Variants in COL12A1 observed in about 807,000 individuals in gnomAD.
The protein encoded by COL12A1 is collagen type XII alpha 1 chain.
Under a neutral mutation model 349.7 loss-of-function variants are expected in COL12A1, and 114 were observed. That is an observed-to-expected ratio of 0.33 (90% CI 0.28 to 0.38). The LOEUF is 0.38. Ranked by LOEUF, COL12A1 falls within the 10% of genes least tolerant of loss-of-function variation. COL12A1 has a pLI of 1.00. For missense variants in COL12A1, 3,284 were observed against 3,756.9 expected, an observed-to-expected ratio of 0.87 and a Z score of 3.29; for synonymous variants, 1,369 against 1,329.0, an observed-to-expected ratio of 1.03 and a Z score of -0.66.
At chr6:75,168,101 GA>G in intron 13 of COL12A1, among the ~76,000 whole-genome samples, 1 of 152,142 alleles carries the variant, frequency 6.6e-6, no homozygotes, top group East Asian at 1.9e-4. Context: ...AAAGAAAGGA[GA>G]AAGATAGTTC....
At position 75,090,214 on chromosome 6, in the gene COL12A1, G is replaced by A. The variant is rs753169250; in HGVS notation, c.8837C>T (p.Pro2946Leu). The A allele has an allele frequency of 5.0e-6, 8 of 1,613,976 alleles. No individual in the cohort carries two copies. Among genetic ancestry groups the A allele is most frequent in the Non-Finnish European group, 4.2e-6 (5 of 1,180,010 alleles). The change falls in exon 63 of 66, where the codon CCA (proline) becomes CTA (leucine). Residue 2946 changes from proline to leucine, a missense_variant. This residue lies in a region of COL12A1 where 683 missense variants were observed against 932.1 expected (regional missense o/e 0.73). Transcript: ENST00000322507. This position sits in a 1 kb window ranked among gnomAD's most constrained non-coding sequence, Gnocchi z 4.1. ...SSRNQPGPPG[P>L]PGPPGSAGAR... ...TCCTGCGCTACCAGGAGGTCCCGGT[G>A]GACCCGGCGGGCCTGGCTGGTTGCG...
At chr6:75,153,381 ATAAG>A (rs1182854196) in intron 17 of COL12A1, among the ~76,000 whole-genome samples, 1 of 152,176 alleles carries the variant, frequency 6.6e-6, no homozygotes, top group Non-Finnish European at 1.5e-5. Flanking sequence ...TAATATCATC[ATAAG>A]AGAAACAATA....
chr6:75,191,729 C>T lies in COL12A1; in HGVS notation c.366G>A (p.Glu122=). The change falls in exon 5 of 66, where the codon GAG becomes GAA. Residue 122 remains glutamate, a synonymous_variant. Coordinates refer to ENST00000322507, the MANE Select transcript of COL12A1 (RefSeq NM_004370.6). Reference sequence around the variant, plus strand: ...GTATCTCGGTTTTTCCAGGTTTCTTCTCCACTGGCTTTGTCGAACTACCTG... The same window carrying T: ...GTATCTCGGTTTTTCCAGGTTTCTTTTCCACTGGCTTTGTCGAACTACCTG... ...IQTGSSTKPV[E]KKPGKTEIQK... The T allele has an allele frequency of 1.9e-6, 3 of 1,595,872 alleles. No individual in the cohort carries two copies. Among genetic ancestry groups the T allele is most frequent in the Non-Finnish European group, 2.6e-6 (3 of 1,171,182 alleles).
At chr6:75,169,776 C>T (rs1316071276) in intron 13 of COL12A1, among the ~76,000 whole-genome samples, 3 of 152,144 alleles carry the variant, frequency 2.0e-5, no homozygotes, top group Non-Finnish European at 2.9e-5. Flanking sequence ...TTGATTCTAT[C>T]TTGACAATTT....
Position 75,134,848 on chromosome 6 carries a change from A to C in COL12A1, c.5402T>G (p.Ile1801Arg), listed in dbSNP as rs200317239. ...TGEGNEQTTT[I>R]GGRQNSVVLQ... ...GACCACACTGTTCTGCCGTCCTCCT[A>C]TTGTGGTCTTGAGTAAAAAGGGTCT... Residue 1801 changes from isoleucine (I) to arginine (R), a missense_variant, in exon 32 of 66, where the codon ATA (isoleucine) becomes AGA (arginine). This residue lies in a region of COL12A1 where 2,601 missense variants were observed against 2,824.8 expected (regional missense o/e 0.92). Coordinates refer to ENST00000322507, the MANE Select transcript of COL12A1 (RefSeq NM_004370.6). The C allele has an allele frequency of 1.2e-6, 2 of 1,609,882 alleles. No individual in the cohort carries two copies. Among genetic ancestry groups the C allele is most frequent in the Non-Finnish European group, 8.5e-7 (1 of 1,177,242 alleles).
chr6:75,196,915 T>C (rs1158443995), intron 2 of COL12A1, among the ~76,000 whole-genome samples: 1 of 152,176 alleles, frequency 6.6e-6, no homozygotes, highest in Non-Finnish European at 1.5e-5. Context: ...CCAGATAAAC[T>C]GAAAAATTGA....
chr6:75,152,209 A>G lies in COL12A1; in HGVS notation c.3757T>C (p.Leu1253=), dbSNP rs74681269. The part of the protein sequence containing the change: ...YSGDPRTEWQ[L]NAHRDKKSLL... The stretch of plus-strand genomic sequence containing the variant: ...CTCTTCTTGTCTCTGTGTGCATTTA[A>G]CTGCCACTCTGTTCTGGGATCCCCA... Residue 1253 remains leucine, a synonymous_variant, in exon 19 of 66, where the codon TTA becomes CTA. Transcript: ENST00000322507. 1 of 1,613,716 alleles carries G rather than the reference A, an allele frequency of 6.2e-7. No individual in the cohort carries two copies. Among genetic ancestry groups the G allele is most frequent in the East Asian group, 2.2e-5 (1 of 44,852 alleles).
At chr6:75,178,903 C>A (rs1769119082) in intron 11 of COL12A1, among the ~76,000 whole-genome samples, 1 of 152,146 alleles carries the variant, frequency 6.6e-6, no homozygotes, top group South Asian at 2.1e-4. Context: ...CCAACTTACA[C>A]CCATGATTCA....
At chr6:75,139,570 G>A (rs953793919) in intron 27 of COL12A1, among the ~76,000 whole-genome samples, 1 of 152,166 alleles carries the variant, frequency 6.6e-6, no homozygotes, top group Non-Finnish European at 1.5e-5. Flanking sequence ...AACACTAAAA[G>A]TATTGCACTC....
In COL12A1 at chr6:75,143,407, T is replaced by C. The variant is rs1227019522; in HGVS notation, c.4691-19A>G. On this transcript the variant is annotated intron_variant, in intron 25 of 65. Coordinates refer to ENST00000322507, the MANE Select transcript of COL12A1 (RefSeq NM_004370.6). ...AAAGGCACTAGAGAAGCACGAGATA[T>C]TAAATCCAGATGTGCTTCTCAACCA... 2 of 1,610,774 alleles carry C rather than the reference T, an allele frequency of 1.2e-6. No individual in the cohort carries two copies. The highest frequency in any genetic ancestry group is 2.2e-5 in the South Asian group (2 of 90,096).
intron 11 of COL12A1, among the ~76,000 whole-genome samples, chr6:75,180,707 TTC>T: frequency 6.6e-6 from 1 of 152,204 alleles, no homozygotes; most frequent in Non-Finnish European, 1.5e-5. Context: ...TTATCAACAG[TTC>T]TCTAGGTCTC....
chr6:75,156,550 G>C, intron 14 of COL12A1, 27 bp from the exon 15 acceptor site: 1 of 1,602,666 alleles, frequency 6.2e-7, no homozygotes, highest in Non-Finnish European at 8.5e-7. Flanking sequence ...AGATTAAACT[G>C]TATACCATGT....
In COL12A1 at chr6:75,086,414, C is replaced by G. The variant is rs552614800; in HGVS notation, c.*133G>C. 1 of 655,812 alleles carries G rather than the reference C, an allele frequency of 1.5e-6. No individual in the cohort carries two copies. 40.6% of individuals were successfully genotyped at this position (655,812 alleles called of 1,614,324 possible). On this transcript the variant is annotated 3_prime_UTR_variant, in exon 66 of 66. Coordinates refer to ENST00000322507, the MANE Select transcript of COL12A1 (RefSeq NM_004370.6). ...TCCACCCTCCTTTGTGATGTCGACC[C>G]GGTTCGTTAACCATTATCTGTGGTG...
rs183898615 is a variant in COL12A1 at position 75,117,463 on chromosome 6, C to T, written c.7438G>A (p.Val2480Met). The change falls in exon 47 of 66, where the codon GTG becomes ATG. Residue 2480 changes from valine (V) to methionine (M), a missense_variant. Val to Met is a conservative substitution (Grantham distance 21). Around this residue, in one of 2 missense-constraint regions of COL12A1, gnomAD observed 683 missense variants for 932.1 expected, o/e 0.73. Transcript: ENST00000322507. ...GATTCAAAGTCGTCCACAATGAACACGTGCCGTTCACTTGGTTTGCTGGCA... is the reference window on the plus strand; with the variant it reads ...GATTCAAAGTCGTCCACAATGAACATGTGCCGTTCACTTGGTTTGCTGGCA... Reference protein sequence around the residue: ...NIASKPSERHVFIVDDFESFE... With the variant: ...NIASKPSERHMFIVDDFESFE... The T allele has an allele frequency of 4.5e-5, 73 of 1,613,742 alleles. No individual in the cohort carries two copies. The highest frequency in any genetic ancestry group is 1.6e-4 in the East Asian group (7 of 44,872).
In COL12A1 at chr6:75,192,305, AT is replaced by A; in HGVS notation, c.240del (p.Leu80PhefsTer13). Reference sequence around the variant, plus strand: ...TCTGTTTCAGGTACAAGTTCTGACAATAAAGTTTCAGTGGTACTAGCTGAAA... The same window carrying A: ...TCTGTTTCAGGTACAAGTTCTGACAAAAAGTTTCAGTGGTACTAGCTGAAA... ...FTLSASTTET[L>X]LSELVPETEY... On this transcript the variant is annotated frameshift_variant, in exon 4 of 66. Coordinates refer to ENST00000322507, the MANE Select transcript of COL12A1 (RefSeq NM_004370.6). LOFTEE classifies it high-confidence loss of function. The A allele has an allele frequency of 6.2e-7, 1 of 1,612,052 alleles. No individual in the cohort carries two copies. Among genetic ancestry groups the A allele is most frequent in the Non-Finnish European group, 8.5e-7 (1 of 1,178,768 alleles).
At chr6:75,174,275 T>C (rs895840602) in intron 13 of COL12A1, among the ~76,000 whole-genome samples, 3 of 152,054 alleles carry the variant, frequency 2.0e-5, no homozygotes, top group Non-Finnish European at 2.9e-5. Context: ...CTTGGATTCT[T>C]GGCCAGGCGC....
At chr6:75,133,030 A>G (rs964201509) in intron 34 of COL12A1, among the ~76,000 whole-genome samples, 2 of 152,238 alleles carry the variant, frequency 1.3e-5, no homozygotes, top group Non-Finnish European at 1.5e-5. Flanking sequence ...TGTCAGTGAA[A>G]GAGATTAAGC....
At position 75,128,651 on chromosome 6, in the gene COL12A1, C is replaced by T. The variant is rs555186703; in HGVS notation, c.6211-226G>A. 3.9e-5 allele frequency among the ~76,000 whole-genome samples: 6 copies of T among 152,320 alleles called. No homozygotes were observed. In the South Asian group the frequency reaches 1.2e-3, roughly 32 times the overall value. ...CTGGGTTCAAATCCCAGATCAGCCA[C>T]TTAACAGCCACGTGACTTAACATCT... On this transcript the variant is annotated intron_variant, in intron 37 of 65. Coordinates refer to ENST00000322507, the MANE Select transcript of COL12A1 (RefSeq NM_004370.6).
In COL12A1 at chr6:75,086,256, C is replaced by T. The variant is rs1323364491; in HGVS notation, c.*291G>A. The T allele has an allele frequency of 1.0e-5, 2 of 193,450 alleles. No individual in the cohort carries two copies. The highest frequency in any genetic ancestry group is 4.7e-5 in the African/African-American group (2 of 42,874). The allele number at this position is 193,450 out of a possible 1,614,324, so 12.0% of individuals were successfully genotyped here. On this transcript the variant is annotated 3_prime_UTR_variant, in exon 66 of 66. Transcript: ENST00000322507. Reference sequence around the variant, plus strand: ...TAGTAGTTTTATTATGCACCTCTTTCAAAACTGAGGCTCCTCATGGCTGTG... The same window carrying T: ...TAGTAGTTTTATTATGCACCTCTTTTAAAACTGAGGCTCCTCATGGCTGTG...
Sources: gnomAD v4.1 joint callset for allele counts (sites outside exome capture counted in the v4.1 genomes callset) on GRCh38, gnomAD v4.1.1 for gene constraint, gnomAD v4.1.1 regional missense constraint, Gnocchi (gnomAD v3.1) non-coding constraint, MANE v1.5 for transcripts, NCBI Gene and HGNC (gene_info 2026-07-23, HGNC 2026-07-21) for gene names.